Variants in FHIT observed in about 807,000 individuals in gnomAD.
FHIT encodes the protein bis(5'-adenosyl)-triphosphatase.
FHIT carries 19 observed loss-of-function variants against 17.9 expected under a neutral mutation model. The ratio of observed to expected loss-of-function variants is 1.06; its 90% confidence interval spans 0.74 to 1.56. The LOEUF is 1.56. FHIT is among the 40% of genes most tolerant of loss of function. The pLI, the probability that FHIT is intolerant of heterozygous loss-of-function variation, is 0.00. For missense variants in FHIT, 248 were observed against 189.2 expected (o/e 1.31, Z -1.82); for synonymous variants, 81 against 69.7 (o/e 1.16, Z -0.81).
chr3:61,189,979 C>A (rs1182804256), intron 2 of FHIT, among the ~76,000 whole-genome samples: 1 of 152,128 alleles, frequency 6.6e-6, no homozygotes, highest in East Asian at 1.9e-4. Flanking sequence ...ACCATAAAAA[C>A]CCTAGAAGAA....
chr3:61,029,162 T>C (rs989791827), intron 3 of FHIT, among the ~76,000 whole-genome samples: 1 of 152,192 alleles, frequency 6.6e-6, no homozygotes, highest in Non-Finnish European at 1.5e-5. Flanking sequence ...GAAGAGCCTA[T>C]AAGGGAATGA....
At chr3:61,215,204 G>A (rs1280756138) in intron 1 of FHIT, among the ~76,000 whole-genome samples, 5 of 152,076 alleles carry the variant, frequency 3.3e-5, no homozygotes, top group South Asian at 4.2e-4. Context: ...ATTAGGAAAA[G>A]AGGAAGTGGA....
chr3:61,192,305 A>G (rs1175802879), intron 2 of FHIT, among the ~76,000 whole-genome samples: 2 of 152,200 alleles, frequency 1.3e-5, no homozygotes, highest in East Asian at 3.9e-4. Flanking sequence ...GTGGATTTTC[A>G]AATGTAACTT....
rs561371145 is a variant in FHIT at position 60,674,523 on chromosome 3, G to C, written c.-17-137544C>G. ...TCTGCATTATATTGTCTTCCTTATAGGGTACTGAGTTTTTTTCTGGCAGGA... is the reference window on the plus strand; with the variant it reads ...TCTGCATTATATTGTCTTCCTTATACGGTACTGAGTTTTTTTCTGGCAGGA... On this transcript the variant is annotated intron_variant, in intron 4 of 9. Coordinates refer to ENST00000492590, the MANE Select transcript of FHIT (RefSeq NM_002012.4). Among the ~76,000 whole-genome samples the C allele has an allele frequency of 1.8e-4, 28 of 152,242 alleles. No individual in the cohort carries two copies. In the South Asian group the frequency reaches 4.8e-3, roughly 26 times the overall value.
chr3:61,005,972 T>C (rs1687092985), intron 3 of FHIT, among the ~76,000 whole-genome samples: 1 of 151,632 alleles, frequency 6.6e-6, no homozygotes. Context: ...AATCTGAGGG[T>C]GAAAGAAGGA....
chr3:60,615,952 A>T (rs1576977240), intron 4 of FHIT, among the ~76,000 whole-genome samples: 1 of 152,164 alleles, frequency 6.6e-6, no homozygotes, highest in East Asian at 1.9e-4. Context: ...AAGTCAGACA[A>T]ATGTGCACAA....
intron 5 of FHIT, among the ~76,000 whole-genome samples, chr3:60,485,886 C>A (rs571708375): frequency 1.3e-5 from 2 of 152,122 alleles, no homozygotes; most frequent in African/African-American, 2.4e-5. Context: ...CAGACCCCAA[C>A]CTATAATTAC....
At chr3:60,148,751 G>A (rs1429260857) in intron 5 of FHIT, among the ~76,000 whole-genome samples, 1 of 152,084 alleles carries the variant, frequency 6.6e-6, no homozygotes. Flanking sequence ...TAAAGCCTGG[G>A]TTTACATCCT....
chr3:60,015,487 G>T (rs1412482389), intron 5 of FHIT, among the ~76,000 whole-genome samples: 1 of 152,136 alleles, frequency 6.6e-6, no homozygotes, highest in East Asian at 1.9e-4. Context: ...TTATTATCAT[G>T]GGTCAATGAA....
chr3:60,952,176 C>G (rs1174974639), intron 3 of FHIT, among the ~76,000 whole-genome samples: 3 of 138,456 alleles, frequency 2.2e-5, no homozygotes, highest in Admixed American at 1.4e-4. Flanking sequence ...CCCACCCCCC[C>G]CCCAAAAAAA....
chr3:60,529,270 G>A (rs1043731058), intron 5 of FHIT, among the ~76,000 whole-genome samples: 2 of 151,976 alleles, frequency 1.3e-5, no homozygotes, highest in Non-Finnish European at 2.9e-5. Flanking sequence ...TCTAAGAGTT[G>A]AACACATATA....
intron 5 of FHIT, among the ~76,000 whole-genome samples, chr3:60,400,514 T>C (rs1333363388): frequency 6.6e-6 from 1 of 152,084 alleles, no homozygotes; most frequent in African/African-American, 2.4e-5. Flanking sequence ...AACACCAACC[T>C]TGGGTTAGTA....
At chr3:61,086,103 C>G (rs1389053562) in intron 2 of FHIT, among the ~76,000 whole-genome samples, 1 of 151,800 alleles carries the variant, frequency 6.6e-6, no homozygotes. Context: ...TTTTTTCTGT[C>G]TCTCTACATT....
intron 5 of FHIT, among the ~76,000 whole-genome samples, chr3:60,420,688 C>A (rs1056333644): frequency 3.9e-5 from 6 of 152,086 alleles, no homozygotes; most frequent in Non-Finnish European, 8.8e-5. Flanking sequence ...TAATCATTGC[C>A]CAGTTTTCAT....
intron 5 of FHIT, among the ~76,000 whole-genome samples, chr3:60,288,083 G>A (rs1707812647): frequency 6.6e-6 from 1 of 152,142 alleles, no homozygotes; most frequent in African/African-American, 2.4e-5. Flanking sequence ...TGCAGACTTG[G>A]CTGAAGCTGA....
intron 5 of FHIT, among the ~76,000 whole-genome samples, chr3:60,162,550 G>A (rs1700986821): frequency 6.6e-6 from 1 of 152,154 alleles, no homozygotes; most frequent in Non-Finnish European, 1.5e-5. Flanking sequence ...TCTTCTGATA[G>A]TGCTATTTGT....
At chr3:60,955,624 A>ATATATACG (rs1559862439) in intron 3 of FHIT, among the ~76,000 whole-genome samples, 18 of 16,430 alleles carry the variant, frequency 1.1e-3, no homozygotes, top group Admixed American at 6.2e-3. Context: ...ATATATATAT[A>ATATATACG]TATATATATA....
At chr3:61,095,509 C>T (rs889431139) in intron 2 of FHIT, among the ~76,000 whole-genome samples, 1 of 152,182 alleles carries the variant, frequency 6.6e-6, no homozygotes, top group African/African-American at 2.4e-5. Context: ...CCAAATAAAG[C>T]AGGGTTGCCT....
rs2040704032 is a variant in FHIT, at chr3:60,679,811, G to C, written c.-18+142108C>G. ...CTACATTTGCCAACTAGCTGAAAAT[G>C]ATGGGGTTTTTTTTGCATGTTTTAA... On this transcript the variant is annotated intron_variant, in intron 4 of 9. Transcript: ENST00000492590. 2.0e-5 allele frequency among the ~76,000 whole-genome samples: 3 copies of C among 152,106 alleles called. No individual in the cohort carries two copies. In the South Asian group the frequency reaches 6.2e-4, roughly 32 times the overall value.
Sources: allele counts gnomAD v4.1 joint callset (sites outside exome capture counted in the v4.1 genomes callset), GRCh38; gene constraint gnomAD v4.1.1; transcripts MANE v1.5; gene names NCBI Gene and HGNC (gene_info 2026-07-23, HGNC 2026-07-21).